The following PSD3 variants were observed in gnomAD, a reference collection of about 807,000 sequenced individuals.
PSD3 encodes the protein pleckstrin and Sec7 domain containing 3.
PSD3 carries 49 observed loss-of-function variants against 105.5 expected under a neutral mutation model. The observed-to-expected ratio is 0.46, with a 90% CI of 0.37 to 0.59. The LOEUF (loss-of-function observed/expected upper bound fraction) is 0.59. PSD3 is among the 20% of genes least tolerant of loss of function. The pLI is 0.00. For synonymous variants in PSD3, 557 were observed against 457.8 expected (o/e 1.22, Z -2.77); for missense variants, 1,561 against 1,263.8 (o/e 1.24, Z -3.57).
At position 18,534,734 on chromosome 8, in the gene PSD3, T is replaced by C. The variant is rs1311371267; in HGVS notation, c.*1009A>G. 6.6e-6 allele frequency: 1 copy of C among 152,464 alleles called. No homozygotes were observed. The highest frequency in any genetic ancestry group is 1.9e-4 in the East Asian group (1 of 5,194). 9.4% of individuals were successfully genotyped at this position (152,464 alleles called of 1,614,324 possible). ...TCTTAAGGACACAAGAAAAGCTGTT[T>C]CATTTTAGTATTAATTTGTTAGGAA... On this transcript the variant is annotated 3_prime_UTR_variant, in exon 16 of 16. Coordinates refer to ENST00000327040, the MANE Select transcript of PSD3 (RefSeq NM_015310.4).
chr8:18,557,779 G>A (rs555578879), intron 14 of PSD3, among the ~76,000 whole-genome samples: 4 of 152,296 alleles, frequency 2.6e-5, no homozygotes, highest in South Asian at 2.1e-4. Flanking sequence ...TACTGATAAT[G>A]CTGAAAGTCA....
rs11990803 is a variant in PSD3, at chr8:18,937,953, C to T, written c.22-1811G>A. 2.9e-3 allele frequency among the ~76,000 whole-genome samples: 435 copies of T among 152,186 alleles called. 1 individual carries two copies. Among genetic ancestry groups the T allele is most frequent in the African/African-American group, 9.9e-3 (413 of 41,526 alleles). On this transcript the variant is annotated intron_variant, in intron 1 of 15. Coordinates refer to ENST00000327040, the MANE Select transcript of PSD3 (RefSeq NM_015310.4). ...TTAAGGAATGGAAGGATGGATGAGG[C>T]TACTCAGATAACTAAGAGAAAGCCA...
chr8:18,536,262 G>A (rs1394449602), intron 15 of PSD3, among the ~76,000 whole-genome samples: 1 of 152,224 alleles, frequency 6.6e-6, no homozygotes, highest in Non-Finnish European at 1.5e-5. Flanking sequence ...ACTCAGGCAT[G>A]AGAAGGGTCT....
intron 4 of PSD3, among the ~76,000 whole-genome samples, chr8:18,848,187 A>G (rs1815254125): frequency 6.6e-6 from 1 of 152,174 alleles, no homozygotes; most frequent in Admixed American, 6.5e-5. Context: ...AACTTTCTCT[A>G]AAAGAAGGCA....
At position 18,765,446 on chromosome 8, in the gene PSD3, T is replaced by C; in HGVS notation, c.2172+3A>G. The stretch of plus-strand genomic sequence containing the variant: ...CACTAAAAACCAATAGTTCCATGCT[T>C]ACTTTCAGCAGATCCTTGGAGAAAT... On this transcript the variant is annotated splice_donor_region_variant and intron_variant, in intron 9 of 15. Transcript: ENST00000327040. 1 of 1,600,266 alleles carries C rather than the reference T, an allele frequency of 6.2e-7. No individual in the cohort carries two copies. The highest frequency in any genetic ancestry group is 8.6e-7 in the Non-Finnish European group (1 of 1,167,366).
chr8:18,648,962 A>T (rs1414285540), intron 10 of PSD3, among the ~76,000 whole-genome samples: 1 of 152,252 alleles, frequency 6.6e-6, no homozygotes, highest in Non-Finnish European at 1.5e-5. Flanking sequence ...GCCTTTGCCT[A>T]GATGTCAGAG....
intron 8 of PSD3, among the ~76,000 whole-genome samples, chr8:18,791,421 A>G (rs1809706660): frequency 6.6e-6 from 1 of 152,124 alleles, no homozygotes; most frequent in Non-Finnish European, 1.5e-5. Context: ...CAGAAATAAG[A>G]CTGCATGCCT....
intron 15 of PSD3, among the ~76,000 whole-genome samples, chr8:18,552,001 G>A (rs183228546): frequency 4.7e-4 from 71 of 152,208 alleles, no homozygotes; most frequent in Non-Finnish European, 9.3e-4. Flanking sequence ...AGGCAATGGT[G>A]AGAAGGACAA....
Position 19,055,084 on chromosome 8 carries a change from T to C in PSD3, c.324+29122A>G, listed in dbSNP as rs566304599. ...CTCTGATTCCTCTACTTGATCTCTC[T>C]TCTCTTTACTTGAGTTGCATGAGCA... On this transcript the variant is annotated intron_variant, in intron 1 of 1. Transcript: ENST00000521475. Among the ~76,000 whole-genome samples, 6 of 152,316 alleles carry C rather than the reference T, an allele frequency of 3.9e-5. No individual in the cohort carries two copies. In the East Asian group the frequency reaches 7.7e-4, roughly 20 times the overall value.
chr8:18,802,067 G>A (rs907194276), intron 6 of PSD3, among the ~76,000 whole-genome samples: 1 of 152,124 alleles, frequency 6.6e-6, no homozygotes, highest in Non-Finnish European at 1.5e-5. Flanking sequence ...TTACATGACT[G>A]TCATCTCTAT....
chr8:18,920,232 T>C (rs1820919320), intron 2 of PSD3, among the ~76,000 whole-genome samples: 1 of 152,182 alleles, frequency 6.6e-6, no homozygotes, highest in African/African-American at 2.4e-5. Context: ...TCGTAACATT[T>C]TGCAATGCCT....
chr8:19,027,998 T>C lies in PSD3; in HGVS notation c.324+56208A>G, dbSNP rs115153928. On this transcript the variant is annotated intron_variant, in intron 1 of 1. Transcript: ENST00000521475. ...GGTTAATGCATGTTTAACTTAACTT[T>C]TTAAAAAATCTGCCAGTTTTCCAAA... 8.4e-3 allele frequency among the ~76,000 whole-genome samples: 1,272 copies of C among 152,322 alleles called. 14 individuals carry two copies. Among genetic ancestry groups the C allele is most frequent in the African/African-American group, 0.028 (1,165 of 41,572 alleles).
At chr8:18,650,524 T>A (rs1161580934) in intron 10 of PSD3, among the ~76,000 whole-genome samples, 1 of 152,190 alleles carries the variant, frequency 6.6e-6, no homozygotes, top group African/African-American at 2.4e-5. Context: ...CTTCCACAAG[T>A]CAATTTGACT....
chr8:18,894,748 C>T (rs150124986), intron 2 of PSD3, among the ~76,000 whole-genome samples: 3 of 152,110 alleles, frequency 2.0e-5, no homozygotes, highest in Non-Finnish European at 2.9e-5. Context: ...ATCGGAACTC[C>T]CACCCTATGA....
chr8:18,841,397 C>G (rs1814613448), intron 4 of PSD3, among the ~76,000 whole-genome samples: 1 of 152,100 alleles, frequency 6.6e-6, no homozygotes, highest in South Asian at 2.1e-4. Context: ...CAAAGCAGCT[C>G]TACTTTCAAA....
intron 9 of PSD3, among the ~76,000 whole-genome samples, chr8:18,681,514 A>G (rs1240983625): frequency 6.6e-6 from 1 of 151,750 alleles, no homozygotes; most frequent in African/African-American, 2.4e-5. Context: ...AAAAAATACT[A>G]CTAGATACAA....
chr8:18,621,873 C>T (rs955020696), intron 11 of PSD3, among the ~76,000 whole-genome samples: 2 of 152,182 alleles, frequency 1.3e-5, no homozygotes, highest in East Asian at 1.9e-4. Context: ...ATTATAGTGT[C>T]GCTGTTCCCA....
chr8:18,550,953 A>G (rs917239906), intron 15 of PSD3, among the ~76,000 whole-genome samples: 1 of 152,172 alleles, frequency 6.6e-6, no homozygotes, highest in African/African-American at 2.4e-5. Context: ...TTTGCTACTA[A>G]TCTTCTTTAA....
At chr8:19,079,669 C>T (rs1563549706) in intron 1 of PSD3, among the ~76,000 whole-genome samples, 1 of 152,122 alleles carries the variant, frequency 6.6e-6, no homozygotes, top group Non-Finnish European at 1.5e-5. Context: ...AGAACCATTA[C>T]AGGACAGACG....
Sources: gnomAD v4.1 joint callset for allele counts (sites outside exome capture counted in the v4.1 genomes callset) on GRCh38, gnomAD v4.1.1 for gene constraint, MANE v1.5 for transcripts, NCBI Gene and HGNC (gene_info 2026-07-23, HGNC 2026-07-21) for gene names.